Variants in PRUNE2 observed in about 807,000 individuals in gnomAD.
PRUNE2 encodes the protein protein prune homolog 2.
A neutral mutation model predicts 252.0 loss-of-function variants in PRUNE2; 164 were observed. The observed-to-expected ratio is 0.65, with a 90% CI of 0.57 to 0.74. The LOEUF (loss-of-function observed/expected upper bound fraction) is 0.74. Among genes scored for constraint, PRUNE2 ranks in the 30% least tolerant of loss-of-function variants. PRUNE2 has a pLI of 0.00. For synonymous variants in PRUNE2, 1,292 were observed against 1,350.2 expected (o/e 0.96, Z 0.94); for missense variants, 3,495 against 3,711.0 (o/e 0.94, Z 1.51).
intron 9 of PRUNE2, among the ~76,000 whole-genome samples, chr9:76,689,019 C>T (rs1024833189): frequency 2.6e-5 from 4 of 152,148 alleles, no homozygotes; most frequent in African/African-American, 9.7e-5. Context: ...AATGAAGCAA[C>T]ACTTTCTGAC....
chr9:76,744,787 C>G lies in PRUNE2; in HGVS notation c.757-31066G>C, dbSNP rs142437634. On this transcript the variant is annotated intron_variant, in intron 6 of 18. Coordinates refer to ENST00000376718, the MANE Select transcript of PRUNE2 (RefSeq NM_015225.3). ...ATCCCAGGGGAGCTTGCAGCTCTCA[C>G]CAGGGCTGTGCCTCACCCAGCTGCT... Among the ~76,000 whole-genome samples, 755 of 152,332 alleles carry G rather than the reference C, an allele frequency of 5.0e-3. 6 individuals carry two copies. The highest frequency in any genetic ancestry group is 0.017 in the African/African-American group (726 of 41,568).
At chr9:76,631,230 AG>A (rs1403616919) in intron 15 of PRUNE2, among the ~76,000 whole-genome samples, 1 of 152,202 alleles carries the variant, frequency 6.6e-6, no homozygotes, top group African/African-American at 2.4e-5. Flanking sequence ...GGTGACTGAG[AG>A]GGAAAAGAAG....
chr9:76,815,647 G>A (rs76027340), intron 6 of PRUNE2, among the ~76,000 whole-genome samples: 1 of 152,282 alleles, frequency 6.6e-6, no homozygotes, highest in East Asian at 1.9e-4. Flanking sequence ...CACTACAGCA[G>A]TGTTTATATA....
chr9:76,795,896 T>C (rs1400385062), intron 6 of PRUNE2, among the ~76,000 whole-genome samples: 1 of 152,178 alleles, frequency 6.6e-6, no homozygotes, highest in African/African-American at 2.4e-5. Context: ...ACTTTTCATA[T>C]TGAGAAAATT....
chr9:76,710,252 A>T lies in PRUNE2; in HGVS notation c.2022T>A (p.Ser674Arg). 1.2e-6 allele frequency: 2 copies of T among 1,613,936 alleles called. No individual in the cohort carries two copies. The highest frequency in any genetic ancestry group is 1.7e-6 in the Non-Finnish European group (2 of 1,179,890). ...SKNIADAWSS[S>R]EQESVFQSPE... The stretch of plus-strand genomic sequence containing the variant: ...GGCTCTGGAAAACAGATTCCTGTTC[A>T]CTGGAACTCCACGCATCTGCAATAT... The change falls in exon 8 of 19, where the codon AGT becomes AGA. Residue 674 changes from serine to arginine, a missense_variant. Coordinates refer to ENST00000376718, the MANE Select transcript of PRUNE2 (RefSeq NM_015225.3).
At position 76,818,528 on chromosome 9, in the gene PRUNE2, A is replaced by G. The variant is rs574554699; in HGVS notation, c.756+5104T>C. On this transcript the variant is annotated intron_variant, in intron 6 of 18. Coordinates refer to ENST00000376718, the MANE Select transcript of PRUNE2 (RefSeq NM_015225.3). ...TCAGCGGCCTCTGAGTCACTTTACC[A>G]GGATGCATCCCAGGCTTCACACAGC... is the stretch of plus-strand genomic sequence containing the variant. Among the ~76,000 whole-genome samples the G allele has an allele frequency of 3.3e-5, 5 of 152,070 alleles. No individual in the cohort carries two copies. The South Asian group carries it at 8.4e-4, about 25-fold the overall frequency.
chr9:76,759,540 G>A (rs2051490784), intron 6 of PRUNE2: 1 of 152,360 alleles, frequency 6.6e-6, no homozygotes, highest in Non-Finnish European at 1.5e-5. Context: ...ACATCGAGAG[G>A]ACTTTGGCTG....
At chr9:76,661,120 C>T (rs1031397076) in intron 9 of PRUNE2, among the ~76,000 whole-genome samples, 6 of 151,976 alleles carry the variant, frequency 3.9e-5, no homozygotes, top group Non-Finnish European at 7.4e-5. Flanking sequence ...TCACCAAGAC[C>T]TCAGTAGCCA....
At chr9:76,768,335 G>C (rs749569977) in intron 6 of PRUNE2, among the ~76,000 whole-genome samples, 1 of 152,144 alleles carries the variant, frequency 6.6e-6, no homozygotes, top group Non-Finnish European at 1.5e-5. Context: ...TGGGATTACA[G>C]GCCTGCGCCA....
intron 11 of PRUNE2, 82 bp from the exon 12 acceptor site, chr9:76,644,991 A>G: frequency 8.1e-7 from 1 of 1,239,434 alleles, no homozygotes; most frequent in Non-Finnish European, 1.1e-6. Context: ...TAAGCTTTAC[A>G]ATACAGTACT....
rs929712051 is a variant in PRUNE2 at position 76,847,767 on chromosome 9, T to C, written c.345-1089A>G. Among the ~76,000 whole-genome samples the C allele has an allele frequency of 5.9e-5, 9 of 152,380 alleles. No individual in the cohort carries two copies. The East Asian group carries it at 9.6e-4, about 16-fold the overall frequency. ...AATGGCAATGAAAGAAATAAAGATT[T>C]CTATTTATTTTTGAAAAGCATTCTA... On this transcript the variant is annotated intron_variant, in intron 3 of 18. Coordinates refer to ENST00000376718, the MANE Select transcript of PRUNE2 (RefSeq NM_015225.3).
chr9:76,751,565 TAGA>T (rs1410726195), intron 6 of PRUNE2, among the ~76,000 whole-genome samples: 2 of 152,182 alleles, frequency 1.3e-5, no homozygotes. Context: ...TCACAGGAAA[TAGA>T]AGGCCTTTAA....
chr9:76,615,242 C>T (rs1344461214), intron 18 of PRUNE2: 14 of 985,178 alleles, frequency 1.4e-5, no homozygotes, highest in Middle Eastern at 5.2e-4. Context: ...AACTTCCTAC[C>T]GCATCCACCC....
chr9:76,845,925 C>T (rs1449894314), intron 4 of PRUNE2, among the ~76,000 whole-genome samples: 2 of 152,060 alleles, frequency 1.3e-5, no homozygotes, highest in African/African-American at 4.8e-5. Context: ...CTCCACTGAT[C>T]GAGATGAAAG....
In PRUNE2 at chr9:76,644,737, A is replaced by G; in HGVS notation, c.8728+2T>C. 1 of 1,613,356 alleles carries G rather than the reference A, an allele frequency of 6.2e-7. No individual in the cohort carries two copies. The highest frequency in any genetic ancestry group is 8.5e-7 in the Non-Finnish European group (1 of 1,179,462). On this transcript the variant is annotated splice_donor_variant, in intron 12 of 18. Transcript: ENST00000376718. LOFTEE classifies it high-confidence loss of function. ...TCCCAGATTCATGCTGAGCTCGACT[A>G]CCTCCGTGAGAAATGACTCTCCTGT...
At chr9:76,627,490 A>G (rs1287575526) in intron 16 of PRUNE2, among the ~76,000 whole-genome samples, 1 of 152,072 alleles carries the variant, frequency 6.6e-6, no homozygotes, top group Non-Finnish European at 1.5e-5. Flanking sequence ...GCCCAGAGCT[A>G]TGAGGTATGC....
intron 11 of PRUNE2, among the ~76,000 whole-genome samples, chr9:76,646,502 G>A (rs1308717316): frequency 3.3e-5 from 5 of 152,174 alleles, no homozygotes; most frequent in African/African-American, 1.2e-4. Context: ...ACCAGCATGC[G>A]GCAGCTTATC....
intron 6 of PRUNE2, among the ~76,000 whole-genome samples, chr9:76,760,604 A>G (rs1589063812): frequency 6.6e-6 from 1 of 152,230 alleles, no homozygotes; most frequent in East Asian, 1.9e-4. Flanking sequence ...CCTAACTATG[A>G]CCATGATTTT....
chr9:76,708,005 G>T lies in PRUNE2; in HGVS notation c.4269C>A (p.Asn1423Lys), dbSNP rs41288771. 19,939 of 1,613,866 alleles carry T rather than the reference G, an allele frequency of 0.012. 160 individuals carry two copies. The highest frequency in any genetic ancestry group is 0.014 in the Non-Finnish European group (17,016 of 1,179,844). The change falls in exon 8 of 19, where the codon AAC becomes AAA. Residue 1423 changes from asparagine (N) to lysine (K), a missense_variant. Physicochemically the swap from Asn to Lys is moderately conservative, Grantham distance 94. Coordinates refer to ENST00000376718, the MANE Select transcript of PRUNE2 (RefSeq NM_015225.3). ...TTTCATGGGTATCTTTTGGCTGCAG[G>T]TTATCTGCGGACATCCCTGTTTGCA... ...RDVQTGMSAD[N>K]LQPKDTHEKH... is the part of the protein sequence containing the mutation.
Sources: gnomAD v4.1 joint callset for allele counts (sites outside exome capture counted in the v4.1 genomes callset) on GRCh38, gnomAD v4.1.1 for gene constraint, MANE v1.5 for transcripts, NCBI Gene and HGNC (gene_info 2026-07-23, HGNC 2026-07-21) for gene names.